SLC36A1: variants seen among roughly 807,000 people sequenced by gnomAD.
SLC36A1 encodes the protein solute carrier family 36 member 1.
Under a neutral mutation model 47.5 loss-of-function variants are expected in SLC36A1, and 30 were observed. That is an observed-to-expected ratio of 0.63 (90% CI 0.47 to 0.86). SLC36A1 has a LOEUF of 0.86. Among genes scored for constraint, SLC36A1 ranks in the 40% least tolerant of loss-of-function variants. The pLI is 0.00. For synonymous variants in SLC36A1, 255 were observed against 249.7 expected, an observed-to-expected ratio of 1.02 and a Z score of -0.20; for missense variants, 517 against 606.0, an observed-to-expected ratio of 0.85 and a Z score of 1.54.
At chr5:151,482,475 AAAG>A (rs1452760013) in intron 10 of SLC36A1, among the ~76,000 whole-genome samples, 1 of 152,262 alleles carries the variant, frequency 6.6e-6, no homozygotes, top group Non-Finnish European at 1.5e-5. Flanking sequence ...TTTGGGAATA[AAAG>A]AAGAAATTCC....
the SLC36A1 span, among the ~76,000 whole-genome samples, chr5:151,354,687 G>C: frequency 6.6e-6 from 1 of 152,248 alleles, no homozygotes; most frequent in East Asian, 1.9e-4. Flanking sequence ...AAGACAGACA[G>C]TTTCATGCCC....
intron 10 of SLC36A1, among the ~76,000 whole-genome samples, 197 bp from the exon 11 acceptor site, chr5:151,487,786 G>T (rs1047674644): frequency 2.6e-5 from 4 of 152,208 alleles, no homozygotes; most frequent in Non-Finnish European, 5.9e-5. Context: ...TCCCAGTTCT[G>T]CTGACCTTGC....
In SLC36A1 at chr5:151,471,904, A is replaced by G. The variant is rs560582263; in HGVS notation, c.724-1769A>G. ...ATTGTAAAAGGCTGTTTTAACATCA[A>G]TTTTTATTTTAATTGAAGCAACATA... On this transcript the variant is annotated intron_variant, in intron 7 of 10. Transcript: ENST00000243389. Among the ~76,000 whole-genome samples the G allele has an allele frequency of 4.6e-5, 7 of 152,290 alleles. No homozygotes were observed. In the South Asian group the frequency reaches 1.0e-3, roughly 23 times the overall value.
At chr5:151,528,874 G>A in the SLC36A1 span, among the ~76,000 whole-genome samples, 1 of 152,176 alleles carries the variant, frequency 6.6e-6, no homozygotes, top group Non-Finnish European at 1.5e-5. Flanking sequence ...AGAGCCTCTG[G>A]CAGTCCTCTG....
intron 1 of SLC36A1, among the ~76,000 whole-genome samples, chr5:151,438,298 C>T (rs141510204): frequency 6.6e-6 from 1 of 152,160 alleles, no homozygotes; most frequent in African/African-American, 2.4e-5. Flanking sequence ...ATATGAACAC[C>T]CTACTTACCC....
the SLC36A1 span, among the ~76,000 whole-genome samples, chr5:151,408,997 C>CTTT: frequency 1.5e-5 from 2 of 132,880 alleles, no homozygotes; most frequent in African/African-American, 5.9e-5. Flanking sequence ...CTTTTCTTTC[C>CTTT]TCTTTTTTTT....
chr5:151,537,656 TGGCACATA>T, the SLC36A1 span: 4 of 807,000 alleles, frequency 5.0e-6, no homozygotes, highest in Non-Finnish European at 7.7e-6. Context: ...GTACAATGCT[TGGCACATA>T]GGGCCAATAT....
the SLC36A1 span, among the ~76,000 whole-genome samples, chr5:151,373,729 A>G: frequency 1.3e-5 from 2 of 152,168 alleles, no homozygotes; most frequent in Admixed American, 6.5e-5. Flanking sequence ...GTTTTTCCTT[A>G]TTTTTAACTT....
At chr5:151,512,562 A>G in the SLC36A1 span, 1 of 1,613,678 alleles carries the variant, frequency 6.2e-7, no homozygotes, top group South Asian at 1.1e-5. This position sits in a 1 kb window ranked among gnomAD's most constrained non-coding sequence, Gnocchi z 4.1. Context: ...TTCCATAGAA[A>G]CCACCCAGAC....
Position 151,488,066 on chromosome 5 carries a change from A to G in SLC36A1, c.1243A>G (p.Ile415Val). 1 of 1,614,026 alleles carries G rather than the reference A, an allele frequency of 6.2e-7. No homozygotes were observed. The highest frequency in any genetic ancestry group is 1.3e-5 in the African/African-American group (1 of 75,002). The part of the protein sequence containing the change: ...SVSSSALALI[I>V]PPLLEVTTFY... ...GAGCAGCAGCGCCCTGGCCCTCATC[A>G]TCCCACCGCTCCTGGAGGTCACCAC... Residue 415 changes from isoleucine to valine, a missense_variant, in exon 11 of 11, where the codon ATC becomes GTC. By Grantham distance (29) the Ile-to-Val change is conservative. Transcript: ENST00000243389.
In SLC36A1 at chr5:151,465,169, G is replaced by T; in HGVS notation, c.419G>T (p.Arg140Ile). 1 of 1,613,002 alleles carries T rather than the reference G, an allele frequency of 6.2e-7. No individual in the cohort carries two copies. The highest frequency in any genetic ancestry group is 8.5e-7 in the Non-Finnish European group (1 of 1,178,956). Residue 140 changes from arginine to isoleucine, a missense_variant and splice_region_variant, in exon 5 of 11, where the codon AGA (arginine) becomes ATA (isoleucine). Coordinates refer to ENST00000243389, the MANE Select transcript of SLC36A1 (RefSeq NM_078483.4). ...CTCCGGAACCACGCACACTGGGGAA[G>T]GTAACTGATTTCCTCCTTCCTTTCA... ...SWLRNHAHWG[R>I]RVVDFFLIVT...
At chr5:151,413,229 CT>C in the SLC36A1 span, among the ~76,000 whole-genome samples, 157 of 144,792 alleles carry the variant, frequency 1.1e-3, no homozygotes, top group Middle Eastern at 3.6e-3. Context: ...ACCTAGGCAT[CT>C]TTTTTTTTTT....
intron 10 of SLC36A1, among the ~76,000 whole-genome samples, chr5:151,482,271 AC>A (rs1280310917): frequency 6.6e-6 from 1 of 151,588 alleles, no homozygotes; most frequent in Non-Finnish European, 1.5e-5. Context: ...TAACCCTGCC[AC>A]CCCCCACCCT....
In SLC36A1 at chr5:151,464,506, G is replaced by A. The variant is rs1277847206; in HGVS notation, c.235-8G>A. On this transcript the variant is annotated splice_region_variant and splice_polypyrimidine_tract_variant and intron_variant, in intron 3 of 10. Coordinates refer to ENST00000243389, the MANE Select transcript of SLC36A1 (RefSeq NM_078483.4). ...TCTCTCTCTTTTGCCTGCAATATCT[G>A]TCCCCAGATGGGTCCCATCAGCCTG... 6.2e-7 allele frequency: 1 copy of A among 1,612,706 alleles called. No homozygotes were observed. Among genetic ancestry groups the A allele is most frequent in the African/African-American group, 1.3e-5 (1 of 74,976 alleles).
intron 1 of SLC36A1, among the ~76,000 whole-genome samples, chr5:151,449,462 C>T (rs1048980449): frequency 2.2e-4 from 34 of 152,220 alleles, no homozygotes; most frequent in African/African-American, 7.2e-4. Context: ...TTAAGCCTCT[C>T]CCTTTGTTTT....
At chr5:151,512,890 C>T in the SLC36A1 span, 3 of 438,416 alleles carry the variant, frequency 6.8e-6, no homozygotes, top group Non-Finnish European at 1.2e-5. This position sits in a 1 kb window ranked among gnomAD's most constrained non-coding sequence, Gnocchi z 4.1. Flanking sequence ...TGATCAAGAC[C>T]CTGTATTTTG....
At chr5:151,527,572 A>G in the SLC36A1 span, among the ~76,000 whole-genome samples, 1 of 152,032 alleles carries the variant, frequency 6.6e-6, no homozygotes, top group East Asian at 1.9e-4. Flanking sequence ...CTACTCAATC[A>G]TTTGCTGGCA....
At chr5:151,549,157 G>T in the SLC36A1 span, 4 of 730,152 alleles carry the variant, frequency 5.5e-6, no homozygotes, top group Non-Finnish European at 9.0e-6. Flanking sequence ...GTAGTCCCAG[G>T]GAATGCTCTA....
At chr5:151,442,091 C>CATTT (rs78297302) in intron 1 of SLC36A1, among the ~76,000 whole-genome samples, 49,635 of 151,794 alleles carry the variant, frequency 0.33, 10,363 homozygotes, top group African/African-American at 0.6. Flanking sequence ...ATTATTTTGA[C>CATTT]ATCCATTTTG....
Sources: gnomAD v4.1 joint callset for allele counts (sites outside exome capture counted in the v4.1 genomes callset) on GRCh38, gnomAD v4.1.1 for gene constraint, Gnocchi (gnomAD v3.1) non-coding constraint, MANE v1.5 for transcripts, NCBI Gene and HGNC (gene_info 2026-07-23, HGNC 2026-07-21) for gene names.